ARHGEF10: variants seen among roughly 807,000 people sequenced by gnomAD.
The protein encoded by ARHGEF10 is Rho guanine nucleotide exchange factor 10, also known as Rho guanine nucleotide exchange factor (GEF) 10.
ARHGEF10 carries 140 observed loss-of-function variants against 147.4 expected under a neutral mutation model. The observed-to-expected ratio is 0.95, with a 90% CI of 0.83 to 1.09. The LOEUF is 1.09. Ranked by LOEUF, ARHGEF10 falls within the 50% of genes least tolerant of loss-of-function variation. The probability of loss-of-function intolerance (pLI) is 0.00; values close to 1 mark genes in which losing one functional copy is unlikely to be tolerated. For synonymous variants in ARHGEF10, 902 were observed against 695.8 expected (o/e 1.30, Z -4.67); for missense variants, 2,222 against 1,752.7 (o/e 1.27, Z -4.78).
Position 1,849,614 on chromosome 8 carries a change from G to A in ARHGEF10, c.37+6178G>A, listed in dbSNP as rs565535546. On this transcript the variant is annotated intron_variant, in intron 2 of 28. Coordinates refer to ENST00000349830, the MANE Select transcript of ARHGEF10 (RefSeq NM_014629.4). ...GTGGACACAGACGGCAAATGCTGAG[G>A]AGGGCGTGGGGCAGTCGTGTGGACA... Among the ~76,000 whole-genome samples the A allele has an allele frequency of 2.0e-5, 3 of 147,160 alleles. No individual in the cohort carries two copies. In the South Asian group the frequency reaches 6.6e-4, roughly 32 times the overall value.
intron 15 of ARHGEF10, among the ~76,000 whole-genome samples, chr8:1,899,833 C>T (rs1480433292): frequency 1.3e-5 from 2 of 152,226 alleles, no homozygotes; most frequent in African/African-American, 2.4e-5. Context: ...TGAGCTTCCT[C>T]GTGTGAGGGA....
intron 1 of ARHGEF10, among the ~76,000 whole-genome samples, chr8:1,838,480 C>G (rs1369859979): frequency 1.3e-5 from 2 of 152,256 alleles, no homozygotes; most frequent in African/African-American, 4.8e-5. Context: ...TCTCTGCACT[C>G]AGGGCAGCAG....
At chr8:1,942,708 G>A (rs1001631471) in intron 26 of ARHGEF10, among the ~76,000 whole-genome samples, 2 of 152,174 alleles carry the variant, frequency 1.3e-5, no homozygotes, top group Non-Finnish European at 2.9e-5. Context: ...CTGGTGAATG[G>A]ACAAACAGAA....
chr8:1,853,229 C>T (rs1009415674), intron 2 of ARHGEF10, among the ~76,000 whole-genome samples: 6 of 152,172 alleles, frequency 3.9e-5, no homozygotes, highest in Non-Finnish European at 7.3e-5. Context: ...CAGAGCCTCT[C>T]CCTAGGTGCA....
chr8:1,945,106 T>C (rs1814457904), intron 26 of ARHGEF10, among the ~76,000 whole-genome samples: 1 of 152,152 alleles, frequency 6.6e-6, no homozygotes, highest in African/African-American at 2.4e-5. Flanking sequence ...TGGGGCCCCA[T>C]GCCATAGCTT....
At chr8:1,925,434 G>T (rs373136355) in intron 22 of ARHGEF10, 30 bp downstream of exon 22, 2 of 1,612,690 alleles carry the variant, frequency 1.2e-6, no homozygotes, top group Admixed American at 3.3e-5. Flanking sequence ...GCGGCCCGGG[G>T]TGGGACGCAC....
chr8:1,906,193 A>G (rs370694922), intron 17 of ARHGEF10, among the ~76,000 whole-genome samples: 17 of 152,236 alleles, frequency 1.1e-4, no homozygotes, highest in African/African-American at 3.9e-4. Context: ...GGAATATTGT[A>G]GTGAGATGAG....
Position 1,894,501 on chromosome 8 carries a change from C to A in ARHGEF10, c.1369C>A (p.Gln457Lys). The A allele has an allele frequency of 6.2e-7, 1 of 1,614,200 alleles. No homozygotes were observed. The highest frequency in any genetic ancestry group is 8.5e-7 in the Non-Finnish European group (1 of 1,180,036). ...KEILQCHSLF[Q>K]IALASRVSEW... The stretch of plus-strand genomic sequence containing the variant: ...GATCCTGCAGTGCCACTCGCTATTT[C>A]AGATCGCGCTGGCCAGCCGCGTTTC... The change falls in exon 13 of 29, where the codon CAG becomes AAG. Residue 457 changes from glutamine (Q) to lysine (K), a missense_variant. Coordinates refer to ENST00000349830, the MANE Select transcript of ARHGEF10 (RefSeq NM_014629.4).
chr8:1,943,926 A>C (rs2129270150), intron 26 of ARHGEF10: 1 of 152,254 alleles, frequency 6.6e-6, no homozygotes, highest in African/African-American at 2.4e-5. Flanking sequence ...CTCACTTCAC[A>C]TCAGGGGACC....
chr8:1,954,964 GA>G, intron 28 of ARHGEF10, among the ~76,000 whole-genome samples: 1 of 149,204 alleles, frequency 6.7e-6, no homozygotes, highest in African/African-American at 2.5e-5. Context: ...GGTGCTCCCT[GA>G]AAGGAGGTGC....
chr8:1,855,353 A>G (rs1226386487), intron 2 of ARHGEF10, among the ~76,000 whole-genome samples: 2 of 152,154 alleles, frequency 1.3e-5, no homozygotes, highest in African/African-American at 4.8e-5. Context: ...TGTGCCTGGC[A>G]GTGACTTTTT....
chr8:1,885,671 C>T lies in ARHGEF10; in HGVS notation c.1146C>T (p.Ile382=). The change falls in exon 11 of 29, where the codon ATC becomes ATT. Residue 382 remains isoleucine, a synonymous_variant. Transcript: ENST00000349830. The part of the protein sequence containing the change: ...IDVDCKHPEA[I]LTPMPEGLSQ... Reference sequence around the variant, plus strand: ...TTGACTGCAAGCACCCGGAAGCCATCTTGACCCCGATGCCCGAGGGTTTAT... The same window carrying T: ...TTGACTGCAAGCACCCGGAAGCCATTTTGACCCCGATGCCCGAGGGTTTAT... 3 of 1,614,032 alleles carry T rather than the reference C, an allele frequency of 1.9e-6. No individual in the cohort carries two copies. The highest frequency in any genetic ancestry group is 2.5e-6 in the Non-Finnish European group (3 of 1,180,014).
chr8:1,869,120 G>T lies in ARHGEF10; in HGVS notation c.623-74G>T, dbSNP rs10503168. On this transcript the variant is annotated intron_variant, in intron 6 of 28. Transcript: ENST00000349830. ...AATAATCATGACATCATCGGCGACTGTGGCCCTGTAAAATTTAAATTGCAC... is the reference window on the plus strand; with the variant it reads ...AATAATCATGACATCATCGGCGACTTTGGCCCTGTAAAATTTAAATTGCAC... The T allele has an allele frequency of 0.03, 38,986 of 1,305,164 alleles. 1,226 individuals carry two copies. The highest frequency in any genetic ancestry group is 0.15 in the African/African-American group (10,158 of 69,088). 80.8% of individuals were successfully genotyped at this position (1,305,164 alleles called of 1,614,324 possible).
chr8:1,857,642 G>A (rs925001372), intron 2 of ARHGEF10, among the ~76,000 whole-genome samples: 3 of 151,822 alleles, frequency 2.0e-5, no homozygotes, highest in Non-Finnish European at 2.9e-5. Flanking sequence ...CTGGTCTCAA[G>A]CTTCTTACCT....
At chr8:1,886,754 G>C (rs1203643204) in intron 11 of ARHGEF10, among the ~76,000 whole-genome samples, 1 of 152,190 alleles carries the variant, frequency 6.6e-6, no homozygotes, top group Non-Finnish European at 1.5e-5. Flanking sequence ...CCATCCTTGT[G>C]TACTCTGTAA....
chr8:1,897,962 C>T (rs188949340), intron 14 of ARHGEF10, among the ~76,000 whole-genome samples: 1 of 152,316 alleles, frequency 6.6e-6, no homozygotes, highest in East Asian at 1.9e-4. Flanking sequence ...GCCCCCTCAG[C>T]AGAGGGACCT....
chr8:1,951,747 G>C (rs1815067219), intron 27 of ARHGEF10, among the ~76,000 whole-genome samples: 1 of 152,248 alleles, frequency 6.6e-6, no homozygotes, highest in Non-Finnish European at 1.5e-5. Flanking sequence ...GAGAAACACT[G>C]GGGATTAGCT....
chr8:1,893,025 C>G lies in ARHGEF10; in HGVS notation c.1183-544C>G, dbSNP rs141524075. 9.1e-4 allele frequency among the ~76,000 whole-genome samples: 117 copies of G among 128,754 alleles called. 1 individual carries two copies. In the East Asian group the frequency reaches 0.023, roughly 26 times the overall value. 84.5% of individuals were successfully genotyped at this position (128,754 alleles called of 152,430 possible). A position where few individuals can be genotyped will look rare whatever the true frequency, so the allele number is the denominator to read the frequency against. On this transcript the variant is annotated intron_variant, in intron 11 of 28. Coordinates refer to ENST00000349830, the MANE Select transcript of ARHGEF10 (RefSeq NM_014629.4). ...ATTTTTTTTTTGCACCTCTAAGTGA[C>G]ATGAATAATTTACTGTCCACATTCT... is the stretch of plus-strand genomic sequence containing the variant.
Position 1,898,468 on chromosome 8 carries a change from C to G in ARHGEF10, c.1593C>G (p.Leu531=), listed in dbSNP as rs569453207. Residue 531 remains leucine, a synonymous_variant, in exon 15 of 29, where the codon CTC becomes CTG. Transcript: ENST00000349830. ...EQEASPDRTT[L]YSLMMKPIQR... ...AGGCCAGCCCCGATCGAACCACGCT[C>G]TACAGCCTGATGATGAAGCCCATCC... is the stretch of plus-strand genomic sequence containing the variant. 4.6e-5 allele frequency: 74 copies of G among 1,614,186 alleles called. No homozygotes were observed. Among genetic ancestry groups the G allele is most frequent in the Non-Finnish European group, 6.1e-5 (72 of 1,180,032 alleles).
Sources: allele counts gnomAD v4.1 joint callset (sites outside exome capture counted in the v4.1 genomes callset), GRCh38; gene constraint gnomAD v4.1.1; transcripts MANE v1.5; gene names NCBI Gene and HGNC (gene_info 2026-07-23, HGNC 2026-07-21).